The following TNRC18 variants were observed in gnomAD, a reference collection of about 807,000 sequenced individuals.
TNRC18 encodes trinucleotide repeat containing 18, also known as trinucleotide repeat-containing gene 18 protein.
TNRC18 carries 69 observed loss-of-function variants against 226.7 expected under a neutral mutation model. The ratio of observed to expected loss-of-function variants is 0.30; its 90% CI spans 0.25 to 0.37. The LOEUF (loss-of-function observed/expected upper bound fraction) is 0.37. Ranked by LOEUF, TNRC18 falls within the 10% of genes least tolerant of loss-of-function variation. The pLI is 1.00. For missense variants in TNRC18, 4,754 were observed against 4,256.6 expected, an observed-to-expected ratio of 1.12 and a Z score of -3.25; for synonymous variants, 2,449 against 1,927.6, an observed-to-expected ratio of 1.27 and a Z score of -7.09.
rs1480644484 is a variant in TNRC18, at chr7:5,324,275, C to T, written c.6381G>A (p.Ser2127=). The part of the protein sequence containing the change: ...AEEDFEPNQD[S]SFSEDEHLPR... ...GCAGGTGCTCGTCCTCAGAGAAGCT[C>T]GAGTCTTGGTTGGGTTCAAAGTCCT... The change falls in exon 21 of 30, where the codon TCG becomes TCA. Residue 2127 remains serine, a synonymous_variant. Transcript: ENST00000430969. This position sits in a 1 kb window ranked among gnomAD's most constrained non-coding sequence, Gnocchi z 4.8. 3.7e-6 allele frequency: 6 copies of T among 1,613,306 alleles called. No homozygotes were observed. Among genetic ancestry groups the T allele is most frequent in the Non-Finnish European group, 5.1e-6 (6 of 1,179,702 alleles).
At chr7:5,420,239 C>T (rs570348154) in intron 2 of TNRC18, 25 of 366,804 alleles carry the variant, frequency 6.8e-5, no homozygotes, top group South Asian at 3.7e-4. Flanking sequence ...GCCGCGGGAC[C>T]TTCTCGGCCA....
At chr7:5,318,912 C>G (rs573728863) in intron 24 of TNRC18, among the ~76,000 whole-genome samples, 194 of 152,206 alleles carry the variant, frequency 1.3e-3, no homozygotes, top group Non-Finnish European at 2.1e-3. Context: ...TTAACTCCCA[C>G]AGACTCTTCC....
chr7:5,321,395 C>T (rs916555721), intron 21 of TNRC18, among the ~76,000 whole-genome samples: 1 of 152,120 alleles, frequency 6.6e-6, no homozygotes, highest in Non-Finnish European at 1.5e-5. Context: ...TACAGGGTGC[C>T]GTGGCCAGCC....
chr7:5,387,885 C>T lies in TNRC18; in HGVS notation c.1939G>A (p.Gly647Ser), dbSNP rs1469518686. 1 of 1,591,266 alleles carries T rather than the reference C, an allele frequency of 6.3e-7. No individual in the cohort carries two copies. The highest frequency in any genetic ancestry group is 1.1e-5 in the South Asian group (1 of 89,196). Residue 647 changes from glycine to serine, a missense_variant, in exon 5 of 30, where the codon GGC (glycine) becomes AGC (serine). By Grantham distance (56) the Gly-to-Ser change is moderately conservative. Transcript: ENST00000430969. ...LPHSGGPAAG[G>S]GRQLKRDPER... ...GGGTCCCGCTTCAGCTGCCGGCCGC[C>T]GCCCGCTGCAGGGCCTCCGGAGTGT...
At chr7:5,395,951 C>T (rs982131780) in intron 2 of TNRC18, among the ~76,000 whole-genome samples, 1 of 149,644 alleles carries the variant, frequency 6.7e-6, no homozygotes, top group Admixed American at 6.7e-5. Context: ...GAGCTGAGAT[C>T]GCTCCACTGC....
chr7:5,393,573 A>G (rs1265595442), intron 3 of TNRC18, among the ~76,000 whole-genome samples: 2 of 152,146 alleles, frequency 1.3e-5, no homozygotes. Context: ...CAGGGCTGCA[A>G]CCTTCCAGGA....
At chr7:5,389,504 G>C (rs1780130958) in intron 4 of TNRC18, 168 bp from the exon 5 acceptor site, 1 of 852,556 alleles carries the variant, frequency 1.2e-6, no homozygotes, top group Non-Finnish European at 1.5e-6. Flanking sequence ...ACCCAGGCTG[G>C]AGTACAGTGG....
intron 19 of TNRC18, among the ~76,000 whole-genome samples, chr7:5,329,762 G>T (rs980713680): frequency 1.3e-4 from 7 of 54,518 alleles, no homozygotes; most frequent in African/African-American, 3.8e-4. Flanking sequence ...GTTGGGCTTT[G>T]AACACTGGGG....
intron 5 of TNRC18, among the ~76,000 whole-genome samples, chr7:5,387,041 T>G (rs148903510): frequency 1.8e-4 from 27 of 152,226 alleles, no homozygotes; most frequent in African/African-American, 5.8e-4. Context: ...GCCATTGGAC[T>G]CCAGCCTGGG....
intron 18 of TNRC18, among the ~76,000 whole-genome samples, chr7:5,339,206 GT>G (rs200342865): frequency 6.8e-6 from 1 of 146,332 alleles, no homozygotes; most frequent in African/African-American, 2.5e-5. Flanking sequence ...CAACAAATGT[GT>G]TTTTTTTGTT....
chr7:5,390,552 G>C lies in TNRC18; in HGVS notation c.420C>G (p.Ser140Arg). The change falls in exon 4 of 30, where the codon AGC becomes AGG. Residue 140 changes from serine (S) to arginine (R), a missense_variant. Physicochemically the swap from Ser to Arg is moderately radical, Grantham distance 110. Transcript: ENST00000430969. Reference protein sequence around the residue: ...LNHLEPPSSGSPLLSQLGQPS... With the variant: ...LNHLEPPSSGRPLLSQLGQPS... ...GCTGACCCAGCTGGCTGAGGAGGGGGCTCCCACTGCTGGGGGGCTCCAGGT... is the reference window on the plus strand; with the variant it reads ...GCTGACCCAGCTGGCTGAGGAGGGGCCTCCCACTGCTGGGGGGCTCCAGGT... The C allele has an allele frequency of 6.2e-7, 1 of 1,613,506 alleles. No homozygotes were observed. The highest frequency in any genetic ancestry group is 8.5e-7 in the Non-Finnish European group (1 of 1,179,700).
chr7:5,357,237 G>C lies in TNRC18; in HGVS notation c.4873C>G (p.Gln1625Glu). ...GCCTTGTCGAGCTTGCTTGCCAACT[G>C]CTCCTGGTCGCTGGCCATCTTCTTC... ...KKKKMASDQE[Q>E]LASKLDKALS... Residue 1625 changes from glutamine to glutamate, a missense_variant, in exon 16 of 30, where the codon CAG (glutamine) becomes GAG (glutamate). Physicochemically the swap from Gln to Glu is conservative, Grantham distance 29 (BLOSUM62 2). Coordinates refer to ENST00000430969, the MANE Select transcript of TNRC18 (RefSeq NM_001080495.3). The C allele has an allele frequency of 6.2e-7, 1 of 1,612,410 alleles. No individual in the cohort carries two copies. The highest frequency in any genetic ancestry group is 1.1e-5 in the South Asian group (1 of 90,520).
Position 5,403,879 on chromosome 7 carries a change from G to C in TNRC18, c.188-9284C>G, listed in dbSNP as rs141249523. 3.1e-3 allele frequency among the ~76,000 whole-genome samples: 476 copies of C among 151,964 alleles called. 6 individuals are homozygous for C. Among genetic ancestry groups the C allele is most frequent in the African/African-American group, 0.011 (440 of 41,430 alleles). On this transcript the variant is annotated intron_variant, in intron 2 of 29. Transcript: ENST00000430969. ...TCAGTCAAACCAGAATTGTCACCCA[G>C]GAAAGGCATTATTCTGGCCCTAAAC...
At chr7:5,383,276 T>C (rs1327503104) in intron 5 of TNRC18, among the ~76,000 whole-genome samples, 3 of 152,192 alleles carry the variant, frequency 2.0e-5, no homozygotes, top group Admixed American at 6.5e-5. Context: ...ATGTAGGTAA[T>C]GCCTGTCCTT....
intron 18 of TNRC18, 45 bp downstream of exon 18, chr7:5,345,517 G>GGGGGGGGCCCCCCCCCCCCCCCCCCCC: frequency 5.6e-5 from 21 of 377,726 alleles, no homozygotes; most frequent in Non-Finnish European, 7.7e-5. Context: ...AATGGCGTCC[G>GGGGGGGGCCCCCCCCCCCCCCCCCCCC]CCCCTCCCAC....
intron 2 of TNRC18, among the ~76,000 whole-genome samples, chr7:5,415,660 C>T (rs966588758): frequency 2.6e-5 from 4 of 151,052 alleles, no homozygotes; most frequent in Non-Finnish European, 5.9e-5. Context: ...GGATCACAGG[C>T]GTGAGCCACC....
chr7:5,351,837 C>T lies in TNRC18; in HGVS notation c.5452G>A (p.Glu1818Lys). 6.3e-7 allele frequency: 1 copy of T among 1,599,742 alleles called. No homozygotes were observed. Among genetic ancestry groups the T allele is most frequent in the Middle Eastern group, 1.7e-4 (1 of 5,968 alleles). The part of the protein sequence containing the change: ...EARSSFSDSS[E>K]ESFDQDESSE... Reference sequence around the variant, plus strand: ...TAGTAACCTTGGTCAAACGATTCCTCCGAAGAGTCGCTGAAGGAGGAACGC... The same window carrying T: ...TAGTAACCTTGGTCAAACGATTCCTTCGAAGAGTCGCTGAAGGAGGAACGC... The change falls in exon 17 of 30, where the codon GAG (glutamate) becomes AAG (lysine). Residue 1818 changes from glutamate (E) to lysine (K), a missense_variant. By Grantham distance (56) the Glu-to-Lys change is moderately conservative. Transcript: ENST00000430969.
chr7:5,335,541 G>C (rs963968423), intron 18 of TNRC18, among the ~76,000 whole-genome samples: 3 of 149,806 alleles, frequency 2.0e-5, no homozygotes, highest in Non-Finnish European at 4.4e-5. Context: ...GGAGGCAGAG[G>C]TTGCAGTGAG....
At position 5,331,915 on chromosome 7, in the gene TNRC18, T is replaced by A. The variant is rs188582187; in HGVS notation, c.6147+707A>T. Among the ~76,000 whole-genome samples, 536 of 151,946 alleles carry A rather than the reference T, an allele frequency of 3.5e-3. 3 individuals are homozygous for A. Among genetic ancestry groups the A allele is most frequent in the Non-Finnish European group, 6.1e-3 (413 of 67,946 alleles). ...ACAGAGTGAGACTCTGTCTCTAAAATATAAAATAATAAAATTTTAAGTACG... is the reference window on the plus strand; with the variant it reads ...ACAGAGTGAGACTCTGTCTCTAAAAAATAAAATAATAAAATTTTAAGTACG... On this transcript the variant is annotated intron_variant, in intron 19 of 29. Transcript: ENST00000430969.
Sources: gnomAD v4.1 joint callset for allele counts (sites outside exome capture counted in the v4.1 genomes callset) on GRCh38, gnomAD v4.1.1 for gene constraint, Gnocchi (gnomAD v3.1) non-coding constraint, MANE v1.5 for transcripts, NCBI Gene and HGNC (gene_info 2026-07-23, HGNC 2026-07-21) for gene names.